Variants in DOCK9 observed in about 807,000 individuals in gnomAD.
The protein encoded by DOCK9 is dedicator of cytokinesis 9.
A neutral mutation model predicts 263.3 loss-of-function variants in DOCK9; 89 were observed. That is an observed-to-expected ratio of 0.34 (90% confidence interval 0.28 to 0.40). The LOEUF (loss-of-function observed/expected upper bound fraction) is 0.40. Ranked by LOEUF, DOCK9 falls within the 10% of genes least tolerant of loss-of-function variation. DOCK9 has a pLI of 1.00. For missense variants in DOCK9, 2,140 were observed against 2,603.4 expected, an observed-to-expected ratio of 0.82 and a Z score of 3.87; for synonymous variants, 976 against 973.1, an observed-to-expected ratio of 1.00 and a Z score of -0.06.
At chr13:98,885,252 T>C (rs2142893435) in intron 20 of DOCK9, 160 bp from the exon 21 acceptor site, 1 of 1,029,292 alleles carries the variant, frequency 9.7e-7, no homozygotes, top group Non-Finnish European at 1.4e-6. Flanking sequence ...CAGAACATTG[T>C]CTACAATGTA....
intron 1 of DOCK9, among the ~76,000 whole-genome samples, chr13:99,036,425 A>G (rs1887886528): frequency 6.6e-6 from 1 of 152,228 alleles, no homozygotes; most frequent in African/African-American, 2.4e-5. Flanking sequence ...CTTCTTTAAC[A>G]TGGAAGAGGG....
At chr13:98,903,397 T>A (rs1308965964) in intron 10 of DOCK9, among the ~76,000 whole-genome samples, 1 of 151,806 alleles carries the variant, frequency 6.6e-6, no homozygotes, top group African/African-American at 2.4e-5. Context: ...ATCGAGACCA[T>A]CCTGGCTAAC....
At position 98,897,006 on chromosome 13, in the gene DOCK9, A is replaced by G. The variant is rs116121090; in HGVS notation, c.1709+482T>C. Among the ~76,000 whole-genome samples, 627 of 152,318 alleles carry G rather than the reference A, an allele frequency of 4.1e-3. 3 individuals carry two copies. Among genetic ancestry groups the G allele is most frequent in the African/African-American group, 0.014 (602 of 41,550 alleles). On this transcript the variant is annotated intron_variant, in intron 15 of 52. Transcript: ENST00000682017. ...GAGGACCATGTGAGGCCAGAGGCAG[A>G]GTGGAGCAATGCTGCCACAAGCTAA...
At chr13:99,060,869 C>T (rs2041156976) in intron 1 of DOCK9, among the ~76,000 whole-genome samples, 2 of 152,320 alleles carry the variant, frequency 1.3e-5, no homozygotes, top group South Asian at 4.1e-4. Context: ...GCTCTATCCT[C>T]AGGGTCTGGC....
chr13:99,059,709 T>C (rs530041368), intron 1 of DOCK9, among the ~76,000 whole-genome samples: 1 of 152,294 alleles, frequency 6.6e-6, no homozygotes, highest in East Asian at 1.9e-4. Context: ...ATCCAAAGCA[T>C]ACAATTCAGT....
intron 1 of DOCK9, among the ~76,000 whole-genome samples, chr13:99,071,306 C>CCTTTTTTTTTTTTTTTTTTTTTTTTTTTT (rs1286343497): frequency 8.1e-5 from 4 of 49,330 alleles, no homozygotes; most frequent in East Asian, 6.7e-4. Flanking sequence ...CCATGCCTGG[C>CCTTTTTTTTTTTTTTTTTTTTTTTTTTTT]TTTTTTTTTT....
chr13:98,895,229 T>C (rs1198238500), intron 15 of DOCK9, among the ~76,000 whole-genome samples: 5 of 151,778 alleles, frequency 3.3e-5, no homozygotes. Context: ...TATTTATGCA[T>C]TAAAAATGAT....
At chr13:98,916,904 T>A (rs2050975008) in intron 7 of DOCK9, among the ~76,000 whole-genome samples, 2 of 152,248 alleles carry the variant, frequency 1.3e-5, no homozygotes, top group African/African-American at 4.8e-5. Context: ...TAGGCACTTT[T>A]TTTAATTCAC....
chr13:98,875,149 G>A (rs1348628497), intron 27 of DOCK9, among the ~76,000 whole-genome samples: 3 of 152,118 alleles, frequency 2.0e-5, no homozygotes, highest in East Asian at 1.9e-4. Flanking sequence ...CAAGCTGAAC[G>A]TTTTCTTTCT....
intron 1 of DOCK9, among the ~76,000 whole-genome samples, chr13:99,065,626 C>G (rs1017224446): frequency 8.5e-5 from 13 of 152,206 alleles, no homozygotes; most frequent in Non-Finnish European, 1.5e-5. Flanking sequence ...GTCCCTCTAT[C>G]TAGAATAATT....
Position 98,831,332 on chromosome 13 carries a change from G to C in DOCK9, c.4635+16C>G, listed in dbSNP as rs371468653. The C allele has an allele frequency of 9.4e-6, 15 of 1,593,502 alleles. No homozygotes were observed. The highest frequency in any genetic ancestry group is 1.3e-5 in the Non-Finnish European group (15 of 1,168,582). On this transcript the variant is annotated intron_variant, in intron 41 of 52. Coordinates refer to ENST00000682017, the MANE Select transcript of DOCK9 (RefSeq NM_001366683.2). ...CTACAGAGTAAATCTGTATTGGAAA[G>C]CTAAACCACACGCACTTGCAAATGT...
At chr13:98,900,878 G>A (rs2048169020) in intron 13 of DOCK9, among the ~76,000 whole-genome samples, 1 of 152,210 alleles carries the variant, frequency 6.6e-6, no homozygotes, top group Non-Finnish European at 1.5e-5. Context: ...GTGAAGATAG[G>A]AAGCTCTGAA....
intron 1 of DOCK9, among the ~76,000 whole-genome samples, chr13:99,072,236 T>C (rs2041710802): frequency 6.6e-6 from 1 of 152,152 alleles, no homozygotes; most frequent in African/African-American, 2.4e-5. Flanking sequence ...TTCATGATGT[T>C]CTATTTGGGT....
intron 1 of DOCK9, among the ~76,000 whole-genome samples, chr13:99,074,659 T>C (rs1189680438): frequency 1.3e-5 from 2 of 152,260 alleles, no homozygotes; most frequent in African/African-American, 4.8e-5. Flanking sequence ...ATAGCCCATG[T>C]TGTTTTCATG....
intron 2 of DOCK9, among the ~76,000 whole-genome samples, chr13:98,936,779 A>C (rs2054919726): frequency 1.3e-5 from 2 of 152,220 alleles, no homozygotes; most frequent in Admixed American, 6.5e-5. Context: ...TGACAAGGGA[A>C]GACTATAGCA....
At chr13:98,966,200 T>C (rs548927527) in intron 1 of DOCK9, among the ~76,000 whole-genome samples, 2 of 152,180 alleles carry the variant, frequency 1.3e-5, no homozygotes, top group African/African-American at 2.4e-5. Context: ...GGGAGTCACA[T>C]GAGGAGAGAG....
intron 1 of DOCK9, among the ~76,000 whole-genome samples, chr13:99,022,148 G>A (rs189666003): frequency 1.3e-5 from 2 of 152,218 alleles, no homozygotes; most frequent in African/African-American, 4.8e-5. Context: ...ATACACAAGA[G>A]AGTTAGAACA....
chr13:99,005,062 C>T (rs554601581), intron 1 of DOCK9, among the ~76,000 whole-genome samples: 26 of 150,626 alleles, frequency 1.7e-4, no homozygotes, highest in African/African-American at 1.2e-4. Context: ...TAGCAAAGAC[C>T]GGATATACCA....
intron 27 of DOCK9, among the ~76,000 whole-genome samples, chr13:98,870,035 C>T (rs1182831280): frequency 1.3e-5 from 2 of 152,238 alleles, no homozygotes; most frequent in African/African-American, 2.4e-5. Context: ...GAGAAATGAA[C>T]CTTCTGTCGA....
Sources: gnomAD v4.1 joint callset for allele counts (sites outside exome capture counted in the v4.1 genomes callset) on GRCh38, gnomAD v4.1.1 for gene constraint, MANE v1.5 for transcripts, NCBI Gene and HGNC (gene_info 2026-07-23, HGNC 2026-07-21) for gene names.